Variants in MOB1B observed in about 807,000 individuals in gnomAD.
MOB1B encodes the protein MOB kinase activator 1B, also known as MOB1 Mps One Binder homolog B.
Under a neutral mutation model 24.4 loss-of-function variants are expected in MOB1B, and 19 were observed. The observed-to-expected ratio is 0.78, with a 90% confidence interval of 0.54 to 1.14. MOB1B has a LOEUF of 1.14. Ranked by LOEUF, MOB1B falls within the 50% of genes most tolerant of loss-of-function variation. The pLI is 0.00. For synonymous variants in MOB1B, 76 were observed against 82.1 expected (o/e 0.93, Z 0.40); for missense variants, 243 against 259.6 (o/e 0.94, Z 0.44).
chr4:70,938,970 G>A (rs772362368), intron 1 of MOB1B, among the ~76,000 whole-genome samples: 11 of 152,144 alleles, frequency 7.2e-5, no homozygotes, highest in African/African-American at 1.4e-4. Context: ...ATAGGCATGA[G>A]CCACTGAGCC....
intron 2 of MOB1B, among the ~76,000 whole-genome samples, chr4:70,969,705 C>T (rs912912406): frequency 6.6e-6 from 1 of 152,098 alleles, no homozygotes; most frequent in Non-Finnish European, 1.5e-5. Flanking sequence ...TGTTTGTATG[C>T]GTTGCAAATA....
At chr4:70,938,934 C>A (rs563920770) in intron 1 of MOB1B, among the ~76,000 whole-genome samples, 1 of 152,052 alleles carries the variant, frequency 6.6e-6, no homozygotes. Flanking sequence ...CCTGCCAGCA[C>A]CTCGACCTCC....
rs554466970 is a variant in MOB1B at position 70,947,440 on chromosome 4, GT to G, written c.15-11427del. Among the ~76,000 whole-genome samples, 706 of 151,756 alleles carry G rather than the reference GT, an allele frequency of 4.7e-3. 2 individuals are homozygous for G. Among genetic ancestry groups the G allele is most frequent in the Non-Finnish European group, 8.3e-3 (566 of 67,940 alleles). ...ATCACATCCCTGGCTAGTTGGCTAGGTTTTTTTCCCCCCCGCCAGAGATGGA... is the reference window on the plus strand; with the variant it reads ...ATCACATCCCTGGCTAGTTGGCTAGGTTTTTTCCCCCCCGCCAGAGATGGA... On this transcript the variant is annotated intron_variant, in intron 1 of 5. Transcript: ENST00000309395.
At chr4:70,906,079 A>T (rs1735723046) in intron 1 of MOB1B, among the ~76,000 whole-genome samples, 1 of 145,950 alleles carries the variant, frequency 6.9e-6, no homozygotes, top group African/African-American at 2.5e-5. Context: ...ACTCTGTCTT[A>T]AAAAAAAAAG....
intron 1 of MOB1B, among the ~76,000 whole-genome samples, chr4:70,907,097 G>A (rs1018188137): frequency 6.6e-6 from 1 of 152,232 alleles, no homozygotes; most frequent in Non-Finnish European, 1.5e-5. Flanking sequence ...GAAATTGCCT[G>A]TGAATTGTTC....
intron 2 of MOB1B, among the ~76,000 whole-genome samples, chr4:70,966,212 G>C (rs890617790): frequency 1.3e-5 from 2 of 152,078 alleles, no homozygotes; most frequent in African/African-American, 4.8e-5. Flanking sequence ...AATACATTAT[G>C]ACTAAGTTGA....
At position 70,940,441 on chromosome 4, in the gene MOB1B, C is replaced by T. The variant is rs1430142433; in HGVS notation, c.15-18433C>T. Among the ~76,000 whole-genome samples the T allele has an allele frequency of 4.6e-5, 7 of 152,174 alleles. No individual in the cohort carries two copies. The East Asian group carries it at 1.2e-3, about 25-fold the overall frequency. ...ACCCCATGTCAGAAAACAACACAAA[C>T]CACCAAATTTGAACTGCAAGGAATA... On this transcript the variant is annotated intron_variant, in intron 1 of 5. Transcript: ENST00000309395.
chr4:70,969,889 T>C, intron 2 of MOB1B, 42 bp from the exon 3 acceptor site: 1 of 1,099,448 alleles, frequency 9.1e-7, no homozygotes, highest in Non-Finnish European at 1.4e-6. Flanking sequence ...CATTTTAAAT[T>C]TAGCCATTCT....
intron 1 of MOB1B, among the ~76,000 whole-genome samples, chr4:70,955,224 G>C (rs368790862): frequency 6.6e-6 from 1 of 152,180 alleles, no homozygotes; most frequent in African/African-American, 2.4e-5. Flanking sequence ...ACTTACCTGA[G>C]TGCAGACACA....
chr4:70,926,430 G>A (rs754329448), intron 1 of MOB1B, among the ~76,000 whole-genome samples: 6 of 152,058 alleles, frequency 3.9e-5, no homozygotes, highest in Admixed American at 1.3e-4. Context: ...GGAGGGTAAC[G>A]AATGCTTCTT....
At chr4:70,916,362 A>G (rs574375187) in intron 1 of MOB1B, among the ~76,000 whole-genome samples, 1 of 152,342 alleles carries the variant, frequency 6.6e-6, no homozygotes, top group African/African-American at 2.4e-5. Flanking sequence ...GACATTCTAG[A>G]GATGGCTGCA....
At position 70,987,080 on chromosome 4, in the gene MOB1B, C is replaced by T. The variant is rs1323645453; in HGVS notation, c.*5023C>T. On this transcript the variant is annotated 3_prime_UTR_variant, in exon 6 of 6. Coordinates refer to ENST00000309395, the MANE Select transcript of MOB1B (RefSeq NM_173468.4). ...CTTTTTCCAGCTGTATGTTTTTCCACTGTGCGTGTACACACACACTGGAAA... is the reference window on the plus strand; with the variant it reads ...CTTTTTCCAGCTGTATGTTTTTCCATTGTGCGTGTACACACACACTGGAAA... 7 of 151,916 alleles carry T rather than the reference C, an allele frequency of 4.6e-5. No homozygotes were observed. Among genetic ancestry groups the T allele is most frequent in the East Asian group, 3.9e-4 (2 of 5,130 alleles). 9.4% of individuals were successfully genotyped at this position (151,916 alleles called of 1,614,324 possible).
chr4:70,914,671 G>A lies in MOB1B; in HGVS notation c.14+12121G>A, dbSNP rs573065680. Among the ~76,000 whole-genome samples, 3 of 152,212 alleles carry A rather than the reference G, an allele frequency of 2.0e-5. No homozygotes were observed. The East Asian group carries it at 5.8e-4, about 29-fold the overall frequency. ...CCTTCAGTTGCAAGTCAGTGGCACA[G>A]GGTTCATTCTAGCCTTCTCCTTTCC... On this transcript the variant is annotated intron_variant, in intron 1 of 5. Coordinates refer to ENST00000309395, the MANE Select transcript of MOB1B (RefSeq NM_173468.4).
chr4:70,902,639 C>T (rs1290979185), intron 1 of MOB1B, 89 bp downstream of exon 1: 11 of 1,321,314 alleles, frequency 8.3e-6, no homozygotes, highest in Non-Finnish European at 1.1e-5. Flanking sequence ...CGCCCTCGTC[C>T]CGACCCTCCT....
chr4:70,950,945 G>A lies in MOB1B; in HGVS notation c.15-7929G>A, dbSNP rs756136633. 6.0e-5 allele frequency: 37 copies of A among 616,056 alleles called. No individual in the cohort carries two copies. In the Middle Eastern group the frequency reaches 5.0e-3, roughly 83 times the overall value. The allele number at this position is 616,056 out of a possible 1,614,324, so 38.2% of individuals were successfully genotyped here. A position where few individuals can be genotyped will look rare whatever the true frequency, so the allele number is the denominator to read the frequency against. Reference sequence around the variant, plus strand: ...GAGACTCAGTAACAGTAACTTCTTCGAGACCCTGGTTCTGTCATTTAGCTA... The same window carrying A: ...GAGACTCAGTAACAGTAACTTCTTCAAGACCCTGGTTCTGTCATTTAGCTA... On this transcript the variant is annotated intron_variant, in intron 1 of 5. Coordinates refer to ENST00000309395, the MANE Select transcript of MOB1B (RefSeq NM_173468.4).
chr4:70,962,894 C>T (rs1738361707), intron 2 of MOB1B, among the ~76,000 whole-genome samples: 1 of 152,082 alleles, frequency 6.6e-6, no homozygotes, highest in African/African-American at 2.4e-5. Flanking sequence ...GTCCCAGCTA[C>T]TTGGCAGGCT....
At chr4:70,902,250 G>GTGGGGGCGGCGGGGAGC (rs1489088900), upstream of MOB1B, 26 of 560,002 alleles carry the variant, frequency 4.6e-5, no homozygotes, top group Non-Finnish European at 7.0e-5. Context: ...AGCTCGTGAG[G>GTGGGGGCGGCGGGGAGC]TGGGGGCGGC....
At position 70,967,418 on chromosome 4, in the gene MOB1B, G is replaced by C. The variant is rs528692176; in HGVS notation, c.182-2513G>C. 9.1e-4 allele frequency among the ~76,000 whole-genome samples: 139 copies of C among 152,200 alleles called. 1 individual carries two copies. Among genetic ancestry groups the C allele is most frequent in the African/African-American group, 3.1e-3 (130 of 41,528 alleles). ...CAAAGTACTGGGATTACAGGCGTGA[G>C]CCACCGCACCCAGCCAATTACTGAA... On this transcript the variant is annotated intron_variant, in intron 2 of 5. Coordinates refer to ENST00000309395, the MANE Select transcript of MOB1B (RefSeq NM_173468.4).
At chr4:70,976,760 A>ATATATATATATATT (rs1560667250) in intron 4 of MOB1B, 1 of 211,608 alleles carries the variant, frequency 4.7e-6, no homozygotes, top group African/African-American at 2.7e-5. Flanking sequence ...TTACATATAT[A>ATATATATATATATT]TATATATATA....
Sources: allele counts gnomAD v4.1 joint callset (sites outside exome capture counted in the v4.1 genomes callset), GRCh38; gene constraint gnomAD v4.1.1; transcripts MANE v1.5; gene names NCBI Gene and HGNC (gene_info 2026-07-23, HGNC 2026-07-21).